Variants in TUBA1C observed in about 807,000 individuals in gnomAD.
TUBA1C encodes tubulin alpha 1c.
Under a neutral mutation model 34.9 loss-of-function variants are expected in TUBA1C, and 16 were observed. The ratio of observed to expected loss-of-function variants is 0.46; its 90% CI spans 0.31 to 0.70. TUBA1C has a LOEUF of 0.70. TUBA1C is among the 30% of genes least tolerant of loss of function. The pLI, the probability that TUBA1C is intolerant of heterozygous loss-of-function variation, is 0.05. For synonymous variants in TUBA1C, 177 were observed against 215.9 expected, an observed-to-expected ratio of 0.82 and a Z score of 1.58; for missense variants, 329 against 587.3, an observed-to-expected ratio of 0.56 and a Z score of 4.55.
chr12:49,235,022 T>C (rs997681301), intron 1 of TUBA1C, among the ~76,000 whole-genome samples: 3 of 151,334 alleles, frequency 2.0e-5, no homozygotes, highest in African/African-American at 7.3e-5. Context: ...TTCACCATGT[T>C]GGTCAGGCTG....
intron 1 of TUBA1C, among the ~76,000 whole-genome samples, chr12:49,254,303 C>T (rs1204187520): frequency 2.0e-5 from 3 of 150,462 alleles, no homozygotes; most frequent in African/African-American, 7.3e-5. Flanking sequence ...AAGAGTGAAA[C>T]TCCATCTCAA....
chr12:49,242,025 T>C (rs1220554304), intron 1 of TUBA1C, among the ~76,000 whole-genome samples: 2 of 146,930 alleles, frequency 1.4e-5, no homozygotes, highest in Non-Finnish European at 3.0e-5. Context: ...ATTTCATTCT[T>C]GTTGCCCAGG....
At chr12:49,248,072 C>T (rs1462828743) in intron 1 of TUBA1C, among the ~76,000 whole-genome samples, 8 of 151,184 alleles carry the variant, frequency 5.3e-5, no homozygotes, top group Non-Finnish European at 1.2e-4. Context: ...GTCAGGAGAT[C>T]GAGACCATCC....
At chr12:49,259,295 G>A (rs1942819825) in intron 1 of TUBA1C, among the ~76,000 whole-genome samples, 1 of 150,568 alleles carries the variant, frequency 6.6e-6, no homozygotes, top group Admixed American at 6.6e-5. Context: ...TGCAGTGTGC[G>A]ATCTCGGCTC....
chr12:49,268,815 A>T (rs527711081), intron 1 of TUBA1C, among the ~76,000 whole-genome samples: 17 of 152,254 alleles, frequency 1.1e-4, no homozygotes, highest in African/African-American at 3.9e-4. Context: ...AAAGAATAGG[A>T]TTAAAGCGGG....
intron 1 of TUBA1C, among the ~76,000 whole-genome samples, chr12:49,247,501 G>T (rs1360801876): frequency 6.6e-6 from 1 of 151,980 alleles, no homozygotes; most frequent in African/African-American, 2.4e-5. Context: ...GTACTCAGGA[G>T]GCTGACACAG....
upstream of TUBA1C, chr12:49,265,009 G>A (rs1942884798): frequency 2.0e-6 from 2 of 982,590 alleles, no homozygotes; most frequent in Non-Finnish European, 1.3e-6. Context: ...ACGGGGCGGG[G>A]TCTGGGGCCC....
intron 3 of TUBA1C, 117 bp downstream of exon 3, chr12:49,270,093 T>C: frequency 6.3e-7 from 1 of 1,579,934 alleles, no homozygotes; most frequent in Non-Finnish European, 8.7e-7. Context: ...AACTAAAATG[T>C]ATCTGTTCAC....
chr12:49,248,301 G>A (rs1188031406), intron 1 of TUBA1C, among the ~76,000 whole-genome samples: 1 of 151,864 alleles, frequency 6.6e-6, no homozygotes, highest in African/African-American at 2.4e-5. Context: ...AAAAGAAAGT[G>A]GCTCACACCC....
intron 1 of TUBA1C, among the ~76,000 whole-genome samples, chr12:49,232,634 T>C (rs1242107893): frequency 6.6e-6 from 1 of 152,190 alleles, no homozygotes; most frequent in Non-Finnish European, 1.5e-5. Context: ...AGTTGAGGTT[T>C]CTCAGAGAGC....
At chr12:49,241,600 T>A (rs1429693980) in intron 1 of TUBA1C, among the ~76,000 whole-genome samples, 3 of 151,932 alleles carry the variant, frequency 2.0e-5, no homozygotes, top group Non-Finnish European at 4.4e-5. Context: ...TTTACACATA[T>A]TTTCCTCCCC....
intron 1 of TUBA1C, among the ~76,000 whole-genome samples, chr12:49,234,497 G>C (rs1261935451): frequency 6.6e-6 from 1 of 152,234 alleles, no homozygotes; most frequent in Non-Finnish European, 1.5e-5. Flanking sequence ...TTGCTTCCTT[G>C]GTTAGTACGG....
chr12:49,249,256 C>T (rs1592278297), intron 1 of TUBA1C, among the ~76,000 whole-genome samples: 2 of 151,816 alleles, frequency 1.3e-5, no homozygotes, highest in South Asian at 4.1e-4. Flanking sequence ...AGACAAACCC[C>T]GTCTCCACTA....
At chr12:49,255,810 C>A (rs899781975) in intron 1 of TUBA1C, among the ~76,000 whole-genome samples, 1 of 152,106 alleles carries the variant, frequency 6.6e-6, no homozygotes, top group South Asian at 2.1e-4. Context: ...ACGTGATCCG[C>A]CGGCCTCAGT....
intron 1 of TUBA1C, among the ~76,000 whole-genome samples, chr12:49,268,973 G>A (rs1423416449): frequency 2.6e-5 from 4 of 152,160 alleles, no homozygotes; most frequent in Non-Finnish European, 5.9e-5. Context: ...CACATCTTTG[G>A]TTTTCCAAGG....
At position 49,273,644 on chromosome 12, in the gene TUBA1C, C is replaced by G; in HGVS notation, c.*417C>G. 1 of 247,420 alleles carries G rather than the reference C, an allele frequency of 4.0e-6. No individual in the cohort carries two copies. Among genetic ancestry groups the G allele is most frequent in the African/African-American group, 2.2e-5 (1 of 44,506 alleles). 15.3% of individuals were successfully genotyped at this position (247,420 alleles called of 1,614,324 possible). ...AAGTGATCCTCCTGCCTCAACCTCT[C>G]AAAGTTTTGATTATAGGCATGAGCC... On this transcript the variant is annotated 3_prime_UTR_variant, in exon 4 of 4. Transcript: ENST00000301072.
intron 1 of TUBA1C, among the ~76,000 whole-genome samples, chr12:49,234,814 C>G (rs1320140257): frequency 6.6e-6 from 1 of 152,184 alleles, no homozygotes; most frequent in East Asian, 1.9e-4. Context: ...AGTGGACATC[C>G]TAAAAAAAAT....
At chr12:49,234,572 G>A (rs966217793) in intron 1 of TUBA1C, among the ~76,000 whole-genome samples, 3 of 152,194 alleles carry the variant, frequency 2.0e-5, no homozygotes, top group Non-Finnish European at 4.4e-5. Flanking sequence ...CGCAGTCCTG[G>A]CGAGCCCCGA....
In TUBA1C at chr12:49,269,878, A is replaced by T. The variant is rs777656005; in HGVS notation, c.277A>T (p.Ile93Phe). Reference protein sequence around the residue: ...YRQLFHPEQLITGKEDAANNY... With the variant: ...YRQLFHPEQLFTGKEDAANNY... ...CCAGCTCTTCCACCCTGAGCAACTC[A>T]TCACAGGCAAGGAAGATGCTGCCAA... The change falls in exon 3 of 4, where the codon ATC (isoleucine) becomes TTC (phenylalanine). Residue 93 changes from isoleucine to phenylalanine, a missense_variant. By Grantham distance (21) the Ile-to-Phe change is conservative. Coordinates refer to ENST00000301072, the MANE Select transcript of TUBA1C (RefSeq NM_032704.5). The T allele has an allele frequency of 8.1e-6, 13 of 1,614,068 alleles. No homozygotes were observed. The highest frequency in any genetic ancestry group is 2.5e-6 in the Non-Finnish European group (3 of 1,180,020).
Sources: allele counts gnomAD v4.1 joint callset (sites outside exome capture counted in the v4.1 genomes callset), GRCh38; gene constraint gnomAD v4.1.1; transcripts MANE v1.5; gene names NCBI Gene and HGNC (gene_info 2026-07-23, HGNC 2026-07-21).